Variants in YES1 observed in about 807,000 individuals in gnomAD.
YES1 encodes the protein tyrosine-protein kinase Yes.
A neutral mutation model predicts 70.4 loss-of-function variants in YES1; 39 were observed. The observed-to-expected ratio is 0.55, with a 90% CI of 0.43 to 0.72. The LOEUF (loss-of-function observed/expected upper bound fraction) is 0.72, where lower values mean the gene tolerates loss of function less well. Ranked by LOEUF, YES1 falls within the 30% of genes least tolerant of loss-of-function variation. YES1 has a pLI of 0.00. For missense variants in YES1, 495 were observed against 644.8 expected (o/e 0.77, Z 2.52); for synonymous variants, 198 against 218.6 (o/e 0.91, Z 0.83).
intron 1 of YES1, among the ~76,000 whole-genome samples, chr18:759,730 T>C (rs1271150545): frequency 6.6e-6 from 1 of 152,148 alleles, no homozygotes; most frequent in Non-Finnish European, 1.5e-5. Context: ...ATTATTATTA[T>C]ACTCTAAGGT....
chr18:775,503 A>G (rs1170473077), intron 1 of YES1, among the ~76,000 whole-genome samples: 1 of 152,160 alleles, frequency 6.6e-6, no homozygotes, highest in Non-Finnish European at 1.5e-5. Context: ...GGCTTCTCAT[A>G]AATGGAATCA....
chr18:738,075 T>G (rs1785232), intron 9 of YES1: 1 of 152,022 alleles, frequency 6.6e-6, no homozygotes, highest in Admixed American at 6.6e-5. Flanking sequence ...AAAAATGGAT[T>G]GCCAACCTCC....
chr18:766,927 T>C (rs1233992033), intron 1 of YES1, among the ~76,000 whole-genome samples: 1 of 152,232 alleles, frequency 6.6e-6, no homozygotes, highest in Non-Finnish European at 1.5e-5. Context: ...TAGGTTGCCT[T>C]TGCATTTCCA....
intron 1 of YES1, among the ~76,000 whole-genome samples, chr18:796,915 GA>G (rs906181610): frequency 6.6e-6 from 1 of 150,678 alleles, no homozygotes. Flanking sequence ...ATCATCTGAG[GA>G]AAAAAAAATT....
At position 724,464 on chromosome 18, in the gene YES1, G is replaced by A; in HGVS notation, c.1592C>T (p.Thr531Ile). 6.2e-7 allele frequency: 1 copy of A among 1,614,156 alleles called. No individual in the cohort carries two copies. The highest frequency in any genetic ancestry group is 1.1e-5 in the South Asian group (1 of 91,086). ...YIQSFLEDYFTATEPQYQPGE... is the reference protein window; with the variant it reads ...YIQSFLEDYFIATEPQYQPGE... ...TGGCTGGTACTGTGGCTCTGTAGCA[G>A]TGAAGTAGTCTTCCAAGAAGGACTG... The change falls in exon 12 of 12, where the codon ACT becomes ATT. Residue 531 changes from threonine (T) to isoleucine (I), a missense_variant. By Grantham distance (89) the Thr-to-Ile change is moderately conservative. Coordinates refer to ENST00000314574, the MANE Select transcript of YES1 (RefSeq NM_005433.4).
chr18:803,091 G>A (rs114970610), intron 1 of YES1, among the ~76,000 whole-genome samples: 3 of 151,998 alleles, frequency 2.0e-5, no homozygotes, highest in African/African-American at 4.8e-5. Flanking sequence ...AAATTAGCTG[G>A]GCATGGTGGC....
chr18:766,185 A>G (rs560555151), intron 1 of YES1, among the ~76,000 whole-genome samples: 2 of 152,128 alleles, frequency 1.3e-5, no homozygotes, highest in African/African-American at 2.4e-5. Flanking sequence ...CTACGTAGTA[A>G]ATATTGATTT....
At chr18:739,252 G>A (rs1223790460) in intron 9 of YES1, 1 of 152,188 alleles carries the variant, frequency 6.6e-6, no homozygotes, top group Non-Finnish European at 1.5e-5. Flanking sequence ...CTCATCTTTT[G>A]ATACTTCATT....
chr18:798,921 G>T (rs772793059), intron 1 of YES1, among the ~76,000 whole-genome samples: 2 of 152,082 alleles, frequency 1.3e-5, no homozygotes, highest in Non-Finnish European at 2.9e-5. Context: ...GTTCTTTCTA[G>T]AATTTACATA....
intron 1 of YES1, among the ~76,000 whole-genome samples, chr18:773,906 A>T (rs1402432193): frequency 2.0e-5 from 3 of 149,926 alleles, no homozygotes; most frequent in Non-Finnish European, 3.0e-5. Flanking sequence ...ATCTCGGCTC[A>T]CTGCAACCTC....
At chr18:788,522 T>C (rs142294402) in intron 1 of YES1, among the ~76,000 whole-genome samples, 3 of 152,340 alleles carry the variant, frequency 2.0e-5, no homozygotes, top group Non-Finnish European at 4.4e-5. Flanking sequence ...CATACACGTA[T>C]GGAAGTTTCC....
chr18:792,811 GT>G (rs1163199897), intron 1 of YES1, among the ~76,000 whole-genome samples: 1 of 150,824 alleles, frequency 6.6e-6, no homozygotes, highest in African/African-American at 2.4e-5. Flanking sequence ...TTAAAAAAAT[GT>G]AAAAAAGAAA....
At chr18:771,947 A>G (rs1428147534) in intron 1 of YES1, among the ~76,000 whole-genome samples, 1 of 152,176 alleles carries the variant, frequency 6.6e-6, no homozygotes. Context: ...TGTAAAGATA[A>G]AAATGTTAAT....
intron 1 of YES1, among the ~76,000 whole-genome samples, chr18:800,347 C>G (rs1020344011): frequency 1.3e-5 from 2 of 152,312 alleles, no homozygotes; most frequent in Admixed American, 6.5e-5. Flanking sequence ...AACTAAGATC[C>G]CTACCCTCAC....
At chr18:753,630 C>T (rs8084192) in intron 2 of YES1, among the ~76,000 whole-genome samples, 23,396 of 151,958 alleles carry the variant, frequency 0.15, 1,999 homozygotes, top group East Asian at 0.3. Context: ...GGATTACAGG[C>T]GTGCACCTCC....
intron 2 of YES1, among the ~76,000 whole-genome samples, chr18:753,358 T>C (rs969163218): frequency 3.0e-4 from 46 of 152,246 alleles, no homozygotes; most frequent in Non-Finnish European, 1.3e-4. Flanking sequence ...TGTTATTAAC[T>C]GTGTTCTACA....
chr18:756,968 G>A, intron 1 of YES1, 133 bp from the exon 2 acceptor site: 1 of 919,172 alleles, frequency 1.1e-6, no homozygotes, highest in South Asian at 1.9e-5. Context: ...ACAAAAAATA[G>A]AAAGCTGAAA....
rs1191887767 is a variant in YES1 at position 756,839 on chromosome 18, C to G, written c.-8-4G>C. On this transcript the variant is annotated splice_polypyrimidine_tract_variant and splice_region_variant and intron_variant, in intron 1 of 11. Transcript: ENST00000314574. ...TTAATGCAGCCCATTATCAAATCTA[C>G]AGAGACAATAAAATATTTTGAGAGT... The G allele has an allele frequency of 6.2e-7, 1 of 1,608,130 alleles. No homozygotes were observed. Among genetic ancestry groups the G allele is most frequent in the Non-Finnish European group, 8.5e-7 (1 of 1,176,928 alleles).
Position 726,285 on chromosome 18 carries a change from C to T in YES1, c.1424-1653G>A, listed in dbSNP as rs551650638. On this transcript the variant is annotated intron_variant, in intron 11 of 11. Transcript: ENST00000314574. The stretch of plus-strand genomic sequence containing the variant: ...CTAAAAATACAAAAAATTAGCTGGG[C>T]GTGGTGGTGGGCATCTGTAGTCCCA... 1.8e-4 allele frequency among the ~76,000 whole-genome samples: 27 copies of T among 151,736 alleles called. No individual in the cohort carries two copies. The East Asian group carries it at 4.5e-3, about 25-fold the overall frequency.
Sources: gnomAD v4.1 joint callset for allele counts (sites outside exome capture counted in the v4.1 genomes callset) on GRCh38, gnomAD v4.1.1 for gene constraint, MANE v1.5 for transcripts, NCBI Gene and HGNC (gene_info 2026-07-23, HGNC 2026-07-21) for gene names.